The following RPTOR variants were observed in gnomAD, a reference collection of about 807,000 sequenced individuals.
RPTOR encodes regulatory associated protein of MTOR complex 1, also known as regulatory-associated protein of mTOR.
RPTOR carries 21 observed loss-of-function variants against 169.9 expected under a neutral mutation model. The ratio of observed to expected loss-of-function variants is 0.12; its 90% CI spans 0.09 to 0.18. RPTOR has a LOEUF of 0.18. Among genes scored for constraint, RPTOR ranks in the 10% least tolerant of loss-of-function variants. The probability of loss-of-function intolerance (pLI) is 1.00; values close to 1 mark genes in which losing one functional copy is unlikely to be tolerated. For synonymous variants in RPTOR, 732 were observed against 753.2 expected (o/e 0.97, Z 0.46); for missense variants, 1,133 against 1,855.9 (o/e 0.61, Z 7.16).
intron 7 of RPTOR, among the ~76,000 whole-genome samples, chr17:80,814,193 C>T (rs2067301224): frequency 6.6e-6 from 1 of 152,102 alleles, no homozygotes; most frequent in African/African-American, 2.4e-5. Context: ...TTTCAGGAAA[C>T]TTGCTGTAGC....
chr17:80,722,040 T>G (rs1205571053), intron 4 of RPTOR, among the ~76,000 whole-genome samples: 3 of 151,094 alleles, frequency 2.0e-5, no homozygotes, highest in Admixed American at 2.0e-4. Context: ...CGATTTTCTT[T>G]TAGTTAATTT....
chr17:80,908,975 G>A (rs1422961527), intron 21 of RPTOR, 46 bp downstream of exon 21: 1 of 1,382,820 alleles, frequency 7.2e-7, no homozygotes, highest in South Asian at 1.2e-5. Flanking sequence ...CTGGTTCTCG[G>A]TTACGAGTAT....
intron 13 of RPTOR, among the ~76,000 whole-genome samples, chr17:80,866,461 A>C (rs1469970270): frequency 6.6e-6 from 1 of 152,216 alleles, no homozygotes; most frequent in Non-Finnish European, 1.5e-5. Flanking sequence ...CTGGAGACTA[A>C]TACGAAAGAA....
At chr17:80,954,947 CAT>C in intron 28 of RPTOR, among the ~76,000 whole-genome samples, 1 of 152,134 alleles carries the variant, frequency 6.6e-6, no homozygotes, top group Middle Eastern at 3.4e-3. Context: ...AGAAAGAAAT[CAT>C]AGACAACGGG....
chr17:80,673,460 C>T (rs1335898332), intron 3 of RPTOR, among the ~76,000 whole-genome samples: 1 of 152,170 alleles, frequency 6.6e-6, no homozygotes, highest in Non-Finnish European at 1.5e-5. Flanking sequence ...CTTTCCTGGG[C>T]ATTTTTCTGC....
intron 2 of RPTOR, among the ~76,000 whole-genome samples, chr17:80,643,070 A>G (rs2065566093): frequency 6.6e-6 from 1 of 152,258 alleles, no homozygotes; most frequent in South Asian, 2.1e-4. Flanking sequence ...AATTTCACAT[A>G]GAGTAGATAT....
chr17:80,964,447 C>T lies in RPTOR; in HGVS notation c.*117C>T, dbSNP rs2069398853. The T allele has an allele frequency of 2.0e-6, 2 of 994,830 alleles. No individual in the cohort carries two copies. The highest frequency in any genetic ancestry group is 3.2e-5 in the African/African-American group (2 of 63,362). 61.6% of individuals were successfully genotyped at this position (994,830 alleles called of 1,614,324 possible). A position where few individuals can be genotyped will look rare whatever the true frequency, so the allele number is the denominator to read the frequency against. On this transcript the variant is annotated 3_prime_UTR_variant, in exon 34 of 34. Coordinates refer to ENST00000306801, the MANE Select transcript of RPTOR (RefSeq NM_020761.3). ...CCGCAGTGTGAACGTTGGCTGCTGC[C>T]TTAGCTGCTGATGACGGCAGGAGGG...
intron 1 of RPTOR, among the ~76,000 whole-genome samples, chr17:80,612,256 C>T (rs115859968): frequency 0.011 from 1,677 of 152,268 alleles, 35 homozygotes; most frequent in African/African-American, 0.039. Context: ...TACCCTCCCA[C>T]GTAGCTGGGA....
At position 80,964,378 on chromosome 17, in the gene RPTOR, G is replaced by T; in HGVS notation, c.*48G>T. The T allele has an allele frequency of 1.3e-6, 2 of 1,582,938 alleles. No homozygotes were observed. The highest frequency in any genetic ancestry group is 1.7e-6 in the Non-Finnish European group (2 of 1,163,534). ...GCCACGGCCGCCTGCTGTACATAGT[G>T]AAGCTGTCACTCGCCGGGGCACGGG... is the stretch of plus-strand genomic sequence containing the variant. On this transcript the variant is annotated 3_prime_UTR_variant, in exon 34 of 34. Transcript: ENST00000306801.
Position 80,949,454 on chromosome 17 carries a change from A to C in RPTOR, c.3277A>C (p.Ile1093Leu). 6.2e-7 allele frequency: 1 copy of C among 1,614,030 alleles called. No homozygotes were observed. Among genetic ancestry groups the C allele is most frequent in the Non-Finnish European group, 8.5e-7 (1 of 1,179,910 alleles). Residue 1093 changes from isoleucine to leucine, a missense_variant, in exon 28 of 34, where the codon ATC (isoleucine) becomes CTC (leucine). Physicochemically the swap from Ile to Leu is conservative, Grantham distance 5. Around this residue, in one of 9 missense-constraint regions of RPTOR, gnomAD observed 410 missense variants for 623.7 expected, o/e 0.66. Coordinates refer to ENST00000306801, the MANE Select transcript of RPTOR (RefSeq NM_020761.3). ...LLLTATDDGAIRVWKNFADLE... is the reference protein window; with the variant it reads ...LLLTATDDGALRVWKNFADLE... ...CTCTCCCTCCCCAGACGATGGTGCC[A>C]TCAGGGTCTGGAAGAATTTTGCTGA...
intron 18 of RPTOR, 45 bp from the exon 19 acceptor site, chr17:80,892,684 C>T (rs2068341171): frequency 6.3e-7 from 1 of 1,599,500 alleles, no homozygotes; most frequent in South Asian, 1.1e-5. Flanking sequence ...ACGCTGGCCT[C>T]CACCTGGAAG....
chr17:80,665,433 C>T (rs1269471239), intron 3 of RPTOR, among the ~76,000 whole-genome samples: 4 of 15,944 alleles, frequency 2.5e-4, no homozygotes. Flanking sequence ...CTTTCCTTTC[C>T]TTTCCTTTCC....
intron 9 of RPTOR, among the ~76,000 whole-genome samples, chr17:80,831,198 C>T (rs2067499826): frequency 6.6e-6 from 1 of 152,160 alleles, no homozygotes; most frequent in South Asian, 2.1e-4. Context: ...TGCACTAGCT[C>T]CACGTCCTTC....
In RPTOR at chr17:80,908,800, C is replaced by T. The variant is rs1348150960; in HGVS notation, c.2402-11C>T. 4 of 1,596,444 alleles carry T rather than the reference C, an allele frequency of 2.5e-6. No homozygotes were observed. Among genetic ancestry groups the T allele is most frequent in the African/African-American group, 1.3e-5 (1 of 74,576 alleles). ...CTTTCCACTAAAACATCTTCCATTT[C>T]TCTCTCTCAGGAGTTTCCTTTAACA... On this transcript the variant is annotated splice_polypyrimidine_tract_variant and intron_variant, in intron 20 of 33. Coordinates refer to ENST00000306801, the MANE Select transcript of RPTOR (RefSeq NM_020761.3).
At chr17:80,552,463 G>A (rs535920268) in intron 1 of RPTOR, among the ~76,000 whole-genome samples, 2 of 152,258 alleles carry the variant, frequency 1.3e-5, no homozygotes, top group African/African-American at 4.8e-5. Flanking sequence ...AAACCCTCCT[G>A]ATGGCTATTT....
intron 5 of RPTOR, among the ~76,000 whole-genome samples, chr17:80,731,325 A>T (rs1203965968): frequency 6.6e-6 from 1 of 152,088 alleles, no homozygotes; most frequent in Non-Finnish European, 1.5e-5. Flanking sequence ...AGACACATTT[A>T]TTTTAGGAGA....
Position 80,880,594 on chromosome 17 carries a change from G to T in RPTOR, c.1584+105G>T, listed in dbSNP as rs1221035720. 4.6e-6 allele frequency: 5 copies of T among 1,076,962 alleles called. No homozygotes were observed. In the Admixed American group the frequency reaches 9.7e-5, roughly 21 times the overall value. 66.7% of individuals were successfully genotyped at this position (1,076,962 alleles called of 1,614,324 possible). Reference sequence around the variant, plus strand: ...CTTTTGACGGGGGCTACAGGAGAAAGGTCAAGGGTCACAGCAGGGGCCACG... The same window carrying T: ...CTTTTGACGGGGGCTACAGGAGAAATGTCAAGGGTCACAGCAGGGGCCACG... On this transcript the variant is annotated intron_variant, in intron 14 of 33. Coordinates refer to ENST00000306801, the MANE Select transcript of RPTOR (RefSeq NM_020761.3).
At chr17:80,938,982 A>G (rs1158509881) in intron 24 of RPTOR, among the ~76,000 whole-genome samples, 5 of 152,240 alleles carry the variant, frequency 3.3e-5, no homozygotes, top group Non-Finnish European at 7.3e-5. Context: ...GGACGCAAAC[A>G]CGGCCATGCG....
At chr17:80,930,362 A>AGC (rs2068873083) in intron 24 of RPTOR, among the ~76,000 whole-genome samples, 2 of 65,612 alleles carry the variant, frequency 3.0e-5, no homozygotes, top group South Asian at 4.4e-4. Flanking sequence ...TCCCCAGCTC[A>AGC]TCCTCAGCTC....
Sources: gnomAD v4.1 joint callset for allele counts (sites outside exome capture counted in the v4.1 genomes callset) on GRCh38, gnomAD v4.1.1 for gene constraint, gnomAD v4.1.1 regional missense constraint, MANE v1.5 for transcripts, NCBI Gene and HGNC (gene_info 2026-07-23, HGNC 2026-07-21) for gene names.